SYN3: variants seen among roughly 807,000 people sequenced by gnomAD.
SYN3 encodes the protein synapsin-3.
In SYN3, 35 loss-of-function variants were observed where a neutral mutation model predicts 65.8. That is an observed-to-expected ratio of 0.53 (90% CI 0.41 to 0.70). The LOEUF is 0.70. Among genes scored for constraint, SYN3 ranks in the 30% least tolerant of loss-of-function variants. The probability of loss-of-function intolerance (pLI) is 0.00; values close to 1 mark genes in which losing one functional copy is unlikely to be tolerated. For missense variants in SYN3, 680 were observed against 749.0 expected, an observed-to-expected ratio of 0.91 and a Z score of 1.08; for synonymous variants, 270 against 292.9, an observed-to-expected ratio of 0.92 and a Z score of 0.80.
chr22:33,030,192 T>C (rs1184220703), intron 1 of SYN3, among the ~76,000 whole-genome samples: 2 of 152,168 alleles, frequency 1.3e-5, no homozygotes, highest in African/African-American at 4.8e-5. Context: ...GAGAGATGCC[T>C]GCGCTGCCAA....
At chr22:32,683,009 G>A (rs1160920675) in intron 6 of SYN3, among the ~76,000 whole-genome samples, 1 of 152,184 alleles carries the variant, frequency 6.6e-6, no homozygotes, top group Non-Finnish European at 1.5e-5. Flanking sequence ...CCAAGCTCTT[G>A]AAAATATCTA....
intron 4 of SYN3, among the ~76,000 whole-genome samples, chr22:32,910,969 C>A (rs893968665): frequency 6.6e-6 from 1 of 152,186 alleles, no homozygotes; most frequent in African/African-American, 2.4e-5. Flanking sequence ...GAGGGAGAAC[C>A]TGAATCCAGG....
At chr22:32,683,228 C>T (rs1210386062) in intron 6 of SYN3, among the ~76,000 whole-genome samples, 5 of 152,066 alleles carry the variant, frequency 3.3e-5, no homozygotes, top group Admixed American at 2.0e-4. Flanking sequence ...CTTTCTTCTG[C>T]GGAGGGGAGC....
intron 6 of SYN3, among the ~76,000 whole-genome samples, chr22:32,824,640 C>T (rs1299597689): frequency 6.6e-6 from 1 of 152,094 alleles, no homozygotes; most frequent in Non-Finnish European, 1.5e-5. Flanking sequence ...GATATAAATT[C>T]TCTGTATACA....
At chr22:32,787,442 A>G (rs1416531333) in intron 6 of SYN3, among the ~76,000 whole-genome samples, 1 of 152,232 alleles carries the variant, frequency 6.6e-6, no homozygotes, top group Non-Finnish European at 1.5e-5. Context: ...CCTCAGTGAC[A>G]TCGCTTCCTA....
In SYN3 at chr22:32,708,465, G is replaced by C. The variant is rs147175527; in HGVS notation, c.712-111729C>G. Among the ~76,000 whole-genome samples the C allele has an allele frequency of 1.4e-4, 21 of 152,288 alleles. No individual in the cohort carries two copies. In the East Asian group the frequency reaches 3.7e-3, roughly 27 times the overall value. On this transcript the variant is annotated intron_variant, in intron 6 of 13. Transcript: ENST00000358763. ...GTACTTCTCTGCTGGTTTAAAAAAA[G>C]GAAACTGAGGTGCAGTTGAAGACAT...
intron 6 of SYN3, among the ~76,000 whole-genome samples, chr22:32,715,834 G>A (rs2061031596): frequency 6.6e-6 from 1 of 151,632 alleles, no homozygotes; most frequent in Admixed American, 6.6e-5. Flanking sequence ...TAGGAGCAGT[G>A]TGCAAGGAAA....
chr22:32,711,197 G>T (rs2060960883), intron 6 of SYN3, among the ~76,000 whole-genome samples: 1 of 152,186 alleles, frequency 6.6e-6, no homozygotes, highest in Non-Finnish European at 1.5e-5. Flanking sequence ...CAGCTGGGTG[G>T]CCAGGATTTT....
chr22:32,750,932 G>A (rs2045102484), intron 6 of SYN3, among the ~76,000 whole-genome samples: 1 of 152,106 alleles, frequency 6.6e-6, no homozygotes, highest in Non-Finnish European at 1.5e-5. Flanking sequence ...CTGTGAGGGT[G>A]AAGGCCCATC....
chr22:32,759,542 T>C (rs1030952581), intron 6 of SYN3, among the ~76,000 whole-genome samples: 3 of 152,094 alleles, frequency 2.0e-5, no homozygotes, highest in Admixed American at 2.0e-4. Flanking sequence ...AACCTTGAGA[T>C]CTGGCAGTTC....
chr22:32,881,082 G>A (rs1011278898), intron 4 of SYN3, among the ~76,000 whole-genome samples: 8 of 152,232 alleles, frequency 5.3e-5, no homozygotes, highest in African/African-American at 1.4e-4. Flanking sequence ...CCTGCTCAGC[G>A]CTGGGGCGGG....
In SYN3 at chr22:32,864,212, C is replaced by A. The variant is rs142451697; in HGVS notation, c.711+703G>T. On this transcript the variant is annotated intron_variant, in intron 6 of 13. Transcript: ENST00000358763. The stretch of plus-strand genomic sequence containing the variant: ...CCCTGCAAGGCCAAGCGCAGGGTCA[C>A]AGCCTTGAATTCCTTTGACCAGTTT... 1.8e-4 allele frequency among the ~76,000 whole-genome samples: 28 copies of A among 152,322 alleles called. 1 individual carries two copies. In the East Asian group the frequency reaches 5.2e-3, roughly 28 times the overall value.
intron 3 of SYN3, among the ~76,000 whole-genome samples, chr22:32,970,145 G>A (rs964424237): frequency 6.6e-6 from 1 of 152,160 alleles, no homozygotes; most frequent in Non-Finnish European, 1.5e-5. Context: ...GCTAGGCTCT[G>A]CTTCAAGTGC....
chr22:32,661,644 GAGA>G (rs2060218558), intron 6 of SYN3, among the ~76,000 whole-genome samples: 1 of 152,200 alleles, frequency 6.6e-6, no homozygotes, highest in African/African-American at 2.4e-5. Context: ...AAATAAGATG[GAGA>G]GGGAACAGGA....
rs979674744 is a variant in SYN3 at position 32,808,751 on chromosome 22, C to T, written c.711+56164G>A. Among the ~76,000 whole-genome samples the T allele has an allele frequency of 1.7e-4, 26 of 152,236 alleles. No individual in the cohort carries two copies. The South Asian group carries it at 2.5e-3, about 15-fold the overall frequency. ...GATCACTCCTTGGCATTGGTACAGA[C>T]GAACAGTCATAAACCTTGCCCATAT... is the stretch of plus-strand genomic sequence containing the variant. On this transcript the variant is annotated intron_variant, in intron 6 of 13. Transcript: ENST00000358763.
At chr22:32,690,474 C>T (rs1421697870) in intron 6 of SYN3, among the ~76,000 whole-genome samples, 2 of 152,340 alleles carry the variant, frequency 1.3e-5, no homozygotes, top group Middle Eastern at 3.4e-3. Context: ...AGCCTGGATT[C>T]CTGAGGCTCG....
chr22:32,585,913 T>TATAG (rs1277398611), intron 7 of SYN3, among the ~76,000 whole-genome samples: 3 of 61,894 alleles, frequency 4.8e-5, no homozygotes, highest in African/African-American at 1.1e-4. Context: ...TGTGTATGTA[T>TATAG]ACATATATGT....
At chr22:33,050,340 G>A (rs957172182) in intron 1 of SYN3, among the ~76,000 whole-genome samples, 3 of 151,866 alleles carry the variant, frequency 2.0e-5, no homozygotes, top group African/African-American at 4.8e-5. Flanking sequence ...AAAATTAGCC[G>A]GGCGTGGTGG....
intron 4 of SYN3, among the ~76,000 whole-genome samples, chr22:32,892,932 G>C (rs573440249): frequency 6.6e-6 from 1 of 152,272 alleles, no homozygotes; most frequent in Admixed American, 6.5e-5. Context: ...GAAGCTTAGA[G>C]AATATGAGAA....
Sources: allele counts gnomAD v4.1 joint callset (sites outside exome capture counted in the v4.1 genomes callset), GRCh38; gene constraint gnomAD v4.1.1; transcripts MANE v1.5; gene names NCBI Gene and HGNC (gene_info 2026-07-23, HGNC 2026-07-21).